The following CCSER1 variants were observed in gnomAD, a reference collection of about 807,000 sequenced individuals.
The protein encoded by CCSER1 is serine-rich coiled-coil domain-containing protein 1.
CCSER1 carries 41 observed loss-of-function variants against 82.0 expected under a neutral mutation model. The observed-to-expected ratio is 0.50, with a 90% CI of 0.39 to 0.65. CCSER1 has a LOEUF of 0.65. Among genes scored for constraint, CCSER1 ranks in the 30% least tolerant of loss-of-function variants. The probability of loss-of-function intolerance (pLI) is 0.00; values close to 1 mark genes in which losing one functional copy is unlikely to be tolerated. For synonymous variants in CCSER1, 414 were observed against 383.9 expected, an observed-to-expected ratio of 1.08 and a Z score of -0.92; for missense variants, 1,119 against 1,064.2, an observed-to-expected ratio of 1.05 and a Z score of -0.72.
intron 3 of CCSER1, among the ~76,000 whole-genome samples, chr4:90,395,153 AC>A (rs1350461672): frequency 6.6e-6 from 1 of 152,076 alleles, no homozygotes; most frequent in African/African-American, 2.4e-5. Flanking sequence ...AGATTTCCAC[AC>A]CCATGTGAGA....
intron 5 of CCSER1, among the ~76,000 whole-genome samples, chr4:90,618,048 C>T (rs1292826039): frequency 1.3e-5 from 2 of 151,936 alleles, no homozygotes; most frequent in African/African-American, 2.4e-5. Context: ...AAATTGAATA[C>T]ATATATCACA....
intron 1 of CCSER1, among the ~76,000 whole-genome samples, chr4:90,255,182 T>G (rs981676873): frequency 2.0e-5 from 3 of 152,166 alleles, no homozygotes; most frequent in African/African-American, 7.2e-5. Context: ...AAGTCCTTTT[T>G]CAAATACCAT....
intron 10 of CCSER1, among the ~76,000 whole-genome samples, chr4:91,473,018 G>A (rs1344188749): frequency 1.3e-5 from 2 of 151,764 alleles, no homozygotes; most frequent in Non-Finnish European, 2.9e-5. Flanking sequence ...TGGTTAAGTT[G>A]TGGTTACTAC....
At chr4:90,476,050 G>T (rs778286100) in intron 5 of CCSER1, among the ~76,000 whole-genome samples, 1 of 151,728 alleles carries the variant, frequency 6.6e-6, no homozygotes, top group African/African-American at 2.4e-5. Context: ...GTGTGTATGT[G>T]TGTGTGTGTG....
At chr4:90,247,923 G>C (rs1578738451) in intron 1 of CCSER1, among the ~76,000 whole-genome samples, 1 of 151,876 alleles carries the variant, frequency 6.6e-6, no homozygotes, top group African/African-American at 2.4e-5. Context: ...TGTAGTGAAA[G>C]ATATTATTTA....
intron 4 of CCSER1, among the ~76,000 whole-genome samples, chr4:90,405,007 A>G (rs1489912690): frequency 6.6e-6 from 1 of 152,172 alleles, no homozygotes; most frequent in African/African-American, 2.4e-5. Flanking sequence ...GATCCAAACC[A>G]AAAGGAAATC....
chr4:91,007,534 T>G (rs554766899), intron 9 of CCSER1, among the ~76,000 whole-genome samples: 1 of 152,228 alleles, frequency 6.6e-6, no homozygotes, highest in East Asian at 1.9e-4. Flanking sequence ...GTCCAGGAAT[T>G]TATCCATTTC....
chr4:91,308,977 T>C (rs1169303099), intron 10 of CCSER1, among the ~76,000 whole-genome samples: 1 of 152,154 alleles, frequency 6.6e-6, no homozygotes, highest in Non-Finnish European at 1.5e-5. Context: ...TTTAGGCTAC[T>C]GGCCTAAACC....
intron 4 of CCSER1, among the ~76,000 whole-genome samples, chr4:90,415,498 T>C (rs1186198157): frequency 6.6e-6 from 1 of 152,228 alleles, no homozygotes; most frequent in East Asian, 1.9e-4. Flanking sequence ...GTAATTACCA[T>C]AAAGCTTAAT....
Position 91,255,611 on chromosome 4 carries a change from C to T in CCSER1, c.2217+169617C>T, listed in dbSNP as rs532947329. The stretch of plus-strand genomic sequence containing the variant: ...GAGTGTTGCAGGAAGTCAGGGACAC[C>T]GAAAGGAGGGACCTGCTGAAGCTGT... On this transcript the variant is annotated intron_variant, in intron 10 of 10. Coordinates refer to ENST00000509176, the MANE Select transcript of CCSER1 (RefSeq NM_001145065.2). Among the ~76,000 whole-genome samples the T allele has an allele frequency of 4.6e-5, 7 of 152,138 alleles. No homozygotes were observed. The Middle Eastern group carries it at 0.014, about 296-fold the overall frequency.
chr4:90,412,113 A>G (rs922978773), intron 4 of CCSER1, among the ~76,000 whole-genome samples: 1 of 152,040 alleles, frequency 6.6e-6, no homozygotes, highest in Non-Finnish European at 1.5e-5. Flanking sequence ...GCACATATAT[A>G]CCATGGAATA....
intron 6 of CCSER1, among the ~76,000 whole-genome samples, chr4:90,697,367 ATTATG>A (rs1737162823): frequency 6.7e-6 from 1 of 148,192 alleles, no homozygotes; most frequent in African/African-American, 2.5e-5. Flanking sequence ...CTTCTTTCTG[ATTATG>A]TTATTTCACA....
chr4:90,140,819 C>G (rs895401484), intron 1 of CCSER1, among the ~76,000 whole-genome samples: 1 of 151,588 alleles, frequency 6.6e-6, no homozygotes, highest in Non-Finnish European at 1.5e-5. Flanking sequence ...CATGCGCCAC[C>G]AAGCCCGGCT....
intron 6 of CCSER1, among the ~76,000 whole-genome samples, chr4:90,664,771 A>G (rs58659518): frequency 0.5 from 76,455 of 151,824 alleles, 19,457 homozygotes; most frequent in Middle Eastern, 0.59. Flanking sequence ...ATGGTGGCAC[A>G]TGCCTGTAAT....
intron 3 of CCSER1, among the ~76,000 whole-genome samples, chr4:90,376,633 T>C (rs1234070706): frequency 6.6e-6 from 1 of 152,182 alleles, no homozygotes; most frequent in African/African-American, 2.4e-5. Flanking sequence ...CTCTTATTGC[T>C]GCTCACAGTC....
At chr4:91,389,267 A>AT (rs938533683) in intron 10 of CCSER1, among the ~76,000 whole-genome samples, 14 of 151,686 alleles carry the variant, frequency 9.2e-5, no homozygotes, top group South Asian at 6.2e-4. Context: ...GCCTAGATTC[A>AT]TTTTTTTTGT....
chr4:90,207,203 TTA>T (rs1231752609), intron 1 of CCSER1, among the ~76,000 whole-genome samples: 4 of 152,100 alleles, frequency 2.6e-5, no homozygotes, highest in Non-Finnish European at 5.9e-5. Flanking sequence ...GTTAATATTG[TTA>T]TGTGTGATCT....
At chr4:90,184,081 C>T (rs1289874395) in intron 1 of CCSER1, among the ~76,000 whole-genome samples, 1 of 152,016 alleles carries the variant, frequency 6.6e-6, no homozygotes, top group Non-Finnish European at 1.5e-5. Context: ...AGAAATAGCA[C>T]CTAGGGGAGG....
chr4:91,444,418 C>G (rs1755415257), intron 10 of CCSER1, among the ~76,000 whole-genome samples: 1 of 151,354 alleles, frequency 6.6e-6, no homozygotes, highest in Non-Finnish European at 1.5e-5. Context: ...CACGAACACA[C>G]TGAGCACAAA....
Sources: gnomAD v4.1 joint callset for allele counts (sites outside exome capture counted in the v4.1 genomes callset) on GRCh38, gnomAD v4.1.1 for gene constraint, MANE v1.5 for transcripts, NCBI Gene and HGNC (gene_info 2026-07-23, HGNC 2026-07-21) for gene names.